Variants in TLE4 observed in about 807,000 individuals in gnomAD.
TLE4 encodes the protein transducin-like enhancer protein 4.
Under a neutral mutation model 92.8 loss-of-function variants are expected in TLE4, and 8 were observed. The observed-to-expected ratio is 0.09, with a 90% confidence interval of 0.05 to 0.16. TLE4 has a LOEUF of 0.16. TLE4 is among the 10% of genes least tolerant of loss of function. The pLI is 1.00. For missense variants in TLE4, 675 were observed against 997.6 expected, an observed-to-expected ratio of 0.68 and a Z score of 4.36; for synonymous variants, 371 against 374.1, an observed-to-expected ratio of 0.99 and a Z score of 0.10.
In TLE4 at chr9:79,709,532, T is replaced by C. The variant is rs565143227; in HGVS notation, c.1264-91T>C. ...AAAACCTTATTTTTAAAGGATCTAT[T>C]CTCCCAGGTTTTAGAATAGATTTTG... is the stretch of plus-strand genomic sequence containing the variant. On this transcript the variant is annotated intron_variant, in intron 13 of 19. Coordinates refer to ENST00000376552, the MANE Select transcript of TLE4 (RefSeq NM_007005.6). The C allele has an allele frequency of 5.6e-5, 60 of 1,079,266 alleles. No individual in the cohort carries two copies. The African/African-American group carries it at 8.9e-4, about 16-fold the overall frequency. 66.9% of individuals were successfully genotyped at this position (1,079,266 alleles called of 1,614,324 possible).
intron 11 of TLE4, chr9:79,707,237 T>C: frequency 6.3e-7 from 1 of 1,595,970 alleles, no homozygotes; most frequent in Non-Finnish European, 8.6e-7. Context: ...AGTTTGGGGC[T>C]TGAATGTGAT....
chr9:79,622,277 A>G (rs1475171442), intron 5 of TLE4, among the ~76,000 whole-genome samples: 1 of 152,028 alleles, frequency 6.6e-6, no homozygotes, highest in Non-Finnish European at 1.5e-5. Context: ...GTGTCTTATC[A>G]TACCCAAGAA....
At chr9:79,701,369 A>C (rs1263087178) in intron 8 of TLE4, among the ~76,000 whole-genome samples, 1 of 152,250 alleles carries the variant, frequency 6.6e-6, no homozygotes, top group East Asian at 1.9e-4. Context: ...CTTAAGAAAA[A>C]TATAAAGTAT....
At position 79,725,372 on chromosome 9, in the gene TLE4, G is replaced by T; in HGVS notation, c.*228G>T. The T allele has an allele frequency of 2.5e-6, 1 of 395,632 alleles. No individual in the cohort carries two copies. 24.5% of individuals were successfully genotyped at this position (395,632 alleles called of 1,614,324 possible). On this transcript the variant is annotated 3_prime_UTR_variant, in exon 20 of 20. Transcript: ENST00000376552. ...TCAGCTGTCTACTTGGAAGAACATG[G>T]AATAAGCATACTTAACAGTGAAAAG...
At chr9:79,690,535 A>G (rs2066827126) in intron 8 of TLE4, among the ~76,000 whole-genome samples, 3 of 152,008 alleles carry the variant, frequency 2.0e-5, no homozygotes, top group Admixed American at 6.6e-5. Context: ...CCTGGAGGAT[A>G]CTGTTCACAC....
chr9:79,638,777 G>T (rs963476138), intron 6 of TLE4, among the ~76,000 whole-genome samples: 1 of 152,294 alleles, frequency 6.6e-6, no homozygotes, highest in East Asian at 1.9e-4. Flanking sequence ...GGAAAAAACA[G>T]TTTAAGTTGA....
At chr9:79,574,402 T>A (rs1329949524) in intron 2 of TLE4, among the ~76,000 whole-genome samples, 2 of 152,208 alleles carry the variant, frequency 1.3e-5, no homozygotes, top group Non-Finnish European at 2.9e-5. Context: ...TCAACTTGTC[T>A]GTGTGTTTTG....
At chr9:79,592,092 TTTC>T (rs557969723) in intron 4 of TLE4, among the ~76,000 whole-genome samples, 54 of 151,150 alleles carry the variant, frequency 3.6e-4, no homozygotes, top group East Asian at 9.7e-4. Context: ...TGGAAGAGAG[TTTC>T]TTCTTCTTCT....
chr9:79,637,441 A>G (rs1324890366), intron 6 of TLE4, among the ~76,000 whole-genome samples: 3 of 152,154 alleles, frequency 2.0e-5, no homozygotes, highest in Non-Finnish European at 2.9e-5. Flanking sequence ...ACATTTAACC[A>G]TTATGCTACA....
intron 4 of TLE4, among the ~76,000 whole-genome samples, chr9:79,591,705 A>G (rs972259845): frequency 6.6e-6 from 1 of 152,158 alleles, no homozygotes; most frequent in Non-Finnish European, 1.5e-5. Flanking sequence ...ATGACTTGAC[A>G]TTTCATTGGG....
intron 10 of TLE4, 96 bp from the exon 11 acceptor site, chr9:79,706,651 G>A: frequency 7.0e-7 from 1 of 1,427,160 alleles, no homozygotes; most frequent in East Asian, 2.3e-5. Flanking sequence ...TTCTAAGCAT[G>A]CATTAAATGC....
chr9:79,671,848 C>T (rs7037512), intron 8 of TLE4, among the ~76,000 whole-genome samples: 133,906 of 151,152 alleles, frequency 0.89, 59,316 homozygotes, highest in Admixed American at 0.9. Flanking sequence ...CCCACCCCTA[C>T]TCAAGACATG....
chr9:79,719,027 T>A, intron 15 of TLE4, 56 bp downstream of exon 15: 1 of 1,562,932 alleles, frequency 6.4e-7, no homozygotes, highest in East Asian at 2.3e-5. Flanking sequence ...CAGGAGGGGC[T>A]GATGAGAGAA....
In TLE4 at chr9:79,623,792, T is replaced by G. The variant is rs184528069; in HGVS notation, c.316-3582T>G. Among the ~76,000 whole-genome samples the G allele has an allele frequency of 9.9e-5, 15 of 151,384 alleles. No individual in the cohort carries two copies. In the East Asian group the frequency reaches 3.0e-3, roughly 30 times the overall value. ...GGGCATTTGTTTTGTCTCTTCAAAA[T>G]CCCAGTTAGAGGTCCCCTCTCTTAC... On this transcript the variant is annotated intron_variant, in intron 5 of 19. Transcript: ENST00000376552.
chr9:79,694,501 C>G (rs890185912), intron 8 of TLE4, among the ~76,000 whole-genome samples: 1 of 152,098 alleles, frequency 6.6e-6, no homozygotes, highest in East Asian at 1.9e-4. Context: ...AGCTCGAAAT[C>G]GTTTCTGTAG....
At chr9:79,605,868 T>C (rs2046720643) in intron 4 of TLE4, among the ~76,000 whole-genome samples, 1 of 152,128 alleles carries the variant, frequency 6.6e-6, no homozygotes, top group Non-Finnish European at 1.5e-5. Context: ...ACAAACCAAG[T>C]TGACATTGCT....
At chr9:79,615,066 T>C (rs11138311) in intron 5 of TLE4, among the ~76,000 whole-genome samples, 1 of 152,200 alleles carries the variant, frequency 6.6e-6, no homozygotes, top group African/African-American at 2.4e-5. Context: ...GTTTGTTTCC[T>C]TCAAATCAGG....
Position 79,661,389 on chromosome 9 carries a change from A to C in TLE4, c.609+7314A>C, listed in dbSNP as rs183410477. On this transcript the variant is annotated intron_variant, in intron 8 of 19. Transcript: ENST00000376552. ...GTTCTGTGGTGATTTGAAGTAGCTCAGCTATCTTCTGGGTTAAAAGACTTT... is the reference window on the plus strand; with the variant it reads ...GTTCTGTGGTGATTTGAAGTAGCTCCGCTATCTTCTGGGTTAAAAGACTTT... Among the ~76,000 whole-genome samples, 687 of 152,320 alleles carry C rather than the reference A, an allele frequency of 4.5e-3. 5 individuals carry two copies. The highest frequency in any genetic ancestry group is 0.016 in the African/African-American group (648 of 41,570).
chr9:79,707,320 A>T (rs552071330), intron 11 of TLE4: 1 of 946,094 alleles, frequency 1.1e-6, no homozygotes, highest in African/African-American at 1.6e-5. Flanking sequence ...TCTAAAAAGT[A>T]ATCTCTCATT....
Sources: allele counts gnomAD v4.1 joint callset (sites outside exome capture counted in the v4.1 genomes callset), GRCh38; gene constraint gnomAD v4.1.1; transcripts MANE v1.5; gene names NCBI Gene and HGNC (gene_info 2026-07-23, HGNC 2026-07-21).